Variants in ASAP1 observed in about 807,000 individuals in gnomAD.
ASAP1 encodes the protein ArfGAP with SH3 domain, ankyrin repeat and PH domain 1, also known as arf-GAP with SH3 domain, ANK repeat and PH domain-containing protein 1.
Under a neutral mutation model 145.2 loss-of-function variants are expected in ASAP1, and 43 were observed. The ratio of observed to expected loss-of-function variants is 0.30; its 90% CI spans 0.23 to 0.38. The LOEUF (loss-of-function observed/expected upper bound fraction) is 0.38, where lower values mean the gene tolerates loss of function less well. ASAP1 is among the 10% of genes least tolerant of loss of function. The pLI is 1.00. For missense variants in ASAP1, 1,018 were observed against 1,355.3 expected, an observed-to-expected ratio of 0.75 and a Z score of 3.91; for synonymous variants, 546 against 515.5, an observed-to-expected ratio of 1.06 and a Z score of -0.80.
chr8:130,147,510 GCTCA>G (rs1377236164), intron 13 of ASAP1, among the ~76,000 whole-genome samples: 1 of 152,182 alleles, frequency 6.6e-6, no homozygotes, highest in African/African-American at 2.4e-5. Flanking sequence ...TCCTACTTCA[GCTCA>G]CTGAGATGAC....
chr8:130,440,221 A>G (rs1830445125), intron 1 of ASAP1, among the ~76,000 whole-genome samples: 1 of 152,070 alleles, frequency 6.6e-6, no homozygotes, highest in African/African-American at 2.4e-5. Context: ...CCTATGATCC[A>G]TCCACTTTTC....
At chr8:130,096,189 A>G (rs2097517536) in intron 24 of ASAP1, among the ~76,000 whole-genome samples, 1 of 152,208 alleles carries the variant, frequency 6.6e-6, no homozygotes, top group South Asian at 2.1e-4. Context: ...AGAAATGCAG[A>G]CTTAAAAAAA....
chr8:130,240,153 G>A (rs944888167), intron 3 of ASAP1, among the ~76,000 whole-genome samples: 1 of 152,054 alleles, frequency 6.6e-6, no homozygotes, highest in African/African-American at 2.4e-5. Context: ...TCCTTTTGTG[G>A]GGGGGAGCGG....
intron 3 of ASAP1, among the ~76,000 whole-genome samples, chr8:130,257,841 T>C (rs931723539): frequency 7.1e-6 from 1 of 140,368 alleles, no homozygotes; most frequent in African/African-American, 2.7e-5. Flanking sequence ...TAGTTCTCCA[T>C]GTAACATGTT....
At chr8:130,194,088 T>G (rs1043831036) in intron 5 of ASAP1, among the ~76,000 whole-genome samples, 8 of 152,188 alleles carry the variant, frequency 5.3e-5, no homozygotes. Context: ...TCTACACACA[T>G]TCTTGAGGGC....
At chr8:130,441,504 T>C (rs1830487528) in intron 1 of ASAP1, among the ~76,000 whole-genome samples, 2 of 152,204 alleles carry the variant, frequency 1.3e-5, no homozygotes, top group African/African-American at 4.8e-5. Context: ...AGGATCCAAA[T>C]ACGGCTGAGA....
chr8:130,368,966 T>TA (rs1465137431), intron 2 of ASAP1, among the ~76,000 whole-genome samples: 9 of 152,212 alleles, frequency 5.9e-5, no homozygotes, highest in Non-Finnish European at 1.5e-5. Flanking sequence ...TGGGTTCCAG[T>TA]ACCATCTTCA....
chr8:130,320,632 G>A (rs146063233), intron 3 of ASAP1, among the ~76,000 whole-genome samples: 3,970 of 58,854 alleles, frequency 0.067, 62 homozygotes, highest in Middle Eastern at 0.13. Context: ...GCTGTATGAA[G>A]GAGGAAGAGT....
chr8:130,327,801 T>TA (rs1824433504), intron 3 of ASAP1, among the ~76,000 whole-genome samples: 1 of 152,160 alleles, frequency 6.6e-6, no homozygotes, highest in Non-Finnish European at 1.5e-5. Flanking sequence ...TTTTGCATGA[T>TA]AAAAATGTTC....
rs1199041483 is a variant in ASAP1, at chr8:130,053,821, T to C, written c.*910A>G. Reference sequence around the variant, plus strand: ...AGCCAGTGATTAGAAACAAATATTGTTGCAACCTTATAATTTCTGCTTTAA... The same window carrying C: ...AGCCAGTGATTAGAAACAAATATTGCTGCAACCTTATAATTTCTGCTTTAA... On this transcript the variant is annotated 3_prime_UTR_variant, in exon 30 of 30. Coordinates refer to ENST00000518721, the MANE Select transcript of ASAP1 (RefSeq NM_018482.4). The C allele has an allele frequency of 1.3e-5, 2 of 152,268 alleles. No homozygotes were observed. Among genetic ancestry groups the C allele is most frequent in the African/African-American group, 4.8e-5 (2 of 41,474 alleles). The allele number at this position is 152,268 out of a possible 1,614,324, so 9.4% of individuals were successfully genotyped here.
intron 3 of ASAP1, among the ~76,000 whole-genome samples, chr8:130,265,058 T>C (rs1374700143): frequency 3.9e-5 from 6 of 152,186 alleles, no homozygotes; most frequent in African/African-American, 1.4e-4. Flanking sequence ...TATTGTGAAC[T>C]GAGCCAAGGA....
intron 3 of ASAP1, among the ~76,000 whole-genome samples, chr8:130,276,728 A>ACACACACACACACACACTCT (rs548512902): frequency 6.9e-5 from 6 of 87,314 alleles, no homozygotes; most frequent in African/African-American, 1.3e-4. Context: ...ACACACACAC[A>ACACACACACACACACACTCT]CTCTCTCTCT....
At chr8:130,220,184 C>T (rs1817206427) in intron 4 of ASAP1, among the ~76,000 whole-genome samples, 1 of 152,052 alleles carries the variant, frequency 6.6e-6, no homozygotes, top group Non-Finnish European at 1.5e-5. Context: ...AAAAACTAGA[C>T]CAGAAAAGGC....
intron 3 of ASAP1, among the ~76,000 whole-genome samples, chr8:130,325,190 T>C (rs368006685): frequency 6.6e-6 from 1 of 152,238 alleles, no homozygotes; most frequent in Non-Finnish European, 1.5e-5. Flanking sequence ...AGTTCACATT[T>C]AACTCTTTCT....
chr8:130,442,754 C>T lies in ASAP1; in HGVS notation c.-28+706G>A, dbSNP rs137997203. Among the ~76,000 whole-genome samples, 533 of 152,164 alleles carry T rather than the reference C, an allele frequency of 3.5e-3. 12 individuals carry two copies. Among genetic ancestry groups the T allele is most frequent in the Non-Finnish European group, 9.3e-4 (63 of 68,004 alleles). ...TTAAAGGAAACTGCTTTAGAAGTGC[C>T]CAAGATGAACCTCTTGGGATGTATC... On this transcript the variant is annotated intron_variant, in intron 1 of 29. Transcript: ENST00000518721.
chr8:130,245,280 T>C (rs1247123028), intron 3 of ASAP1, among the ~76,000 whole-genome samples: 5 of 152,176 alleles, frequency 3.3e-5, no homozygotes, highest in Non-Finnish European at 2.9e-5. Flanking sequence ...CTGTGCTGTT[T>C]TAGACTATAA....
At chr8:130,309,203 A>G (rs1823178316) in intron 3 of ASAP1, among the ~76,000 whole-genome samples, 1 of 152,228 alleles carries the variant, frequency 6.6e-6, no homozygotes, top group African/African-American at 2.4e-5. Context: ...TTTGGGGCAT[A>G]GTCCCTTTTT....
intron 1 of ASAP1, among the ~76,000 whole-genome samples, chr8:130,418,755 T>C (rs1417053619): frequency 7.2e-6 from 1 of 138,268 alleles, no homozygotes; most frequent in African/African-American, 2.7e-5. Context: ...AATCATACAA[T>C]AGGTGCCAAA....
intron 27 of ASAP1, 45 bp from the exon 28 acceptor site, chr8:130,061,114 T>G (rs2097418631): frequency 6.6e-7 from 1 of 1,516,938 alleles, no homozygotes; most frequent in South Asian, 1.4e-5. Flanking sequence ...TGGGAAGGGC[T>G]GCTTTCCTGT....
Sources: gnomAD v4.1 joint callset for allele counts (sites outside exome capture counted in the v4.1 genomes callset) on GRCh38, gnomAD v4.1.1 for gene constraint, MANE v1.5 for transcripts, NCBI Gene and HGNC (gene_info 2026-07-23, HGNC 2026-07-21) for gene names.